SCMH1: variants seen among roughly 807,000 people sequenced by gnomAD.
SCMH1 encodes Scm polycomb group protein homolog 1.
A neutral mutation model predicts 70.8 loss-of-function variants in SCMH1; 37 were observed. The observed-to-expected ratio is 0.52, with a 90% confidence interval of 0.40 to 0.69. SCMH1 has a LOEUF of 0.69. Among genes scored for constraint, SCMH1 ranks in the 30% least tolerant of loss-of-function variants. SCMH1 has a pLI of 0.00. For missense variants in SCMH1, 607 were observed against 827.3 expected (o/e 0.73, Z 3.27); for synonymous variants, 292 against 307.4 (o/e 0.95, Z 0.52).
chr1:41,089,740 A>C (rs909673380), intron 8 of SCMH1, among the ~76,000 whole-genome samples: 1 of 135,766 alleles, frequency 7.4e-6, no homozygotes, highest in Non-Finnish European at 1.6e-5. Flanking sequence ...TTTCTGACCT[A>C]CTTCCTACCA....
chr1:41,160,545 A>G (rs570640739), intron 4 of SCMH1, among the ~76,000 whole-genome samples: 1 of 152,282 alleles, frequency 6.6e-6, no homozygotes, highest in East Asian at 1.9e-4. Flanking sequence ...TGATTTATGG[A>G]TGGCAGGGGT....
Position 41,167,606 on chromosome 1 carries a change from T to C in SCMH1, c.14-6174A>G, listed in dbSNP as rs1259960853. On this transcript the variant is annotated intron_variant, in intron 2 of 14. Coordinates refer to ENST00000337495, the Ensembl canonical transcript of SCMH1. ...TGTGATTCAGTCTTGGTAAGCTACA[T>C]ATTTCTAGCAATGTATTCATTTCTT... is the stretch of plus-strand genomic sequence containing the variant. 5.9e-5 allele frequency among the ~76,000 whole-genome samples: 9 copies of C among 152,194 alleles called. No homozygotes were observed. The East Asian group carries it at 1.7e-3, about 29-fold the overall frequency.
chr1:41,072,646 G>T (rs945996166), intron 9 of SCMH1, among the ~76,000 whole-genome samples: 9 of 152,160 alleles, frequency 5.9e-5, no homozygotes, highest in Admixed American at 6.5e-5. Flanking sequence ...AAAATTGCTT[G>T]GGCCCAGGAG....
At chr1:41,087,937 G>GGTGTGTGTGTGTGTGTGTGT (rs55721560) in intron 8 of SCMH1, among the ~76,000 whole-genome samples, 19,697 of 139,560 alleles carry the variant, frequency 0.14, 1,635 homozygotes, top group Middle Eastern at 0.26. Context: ...TATAGTTTCT[G>GGTGTGTGTGTGTGTGTGTGT]GTGTGTGTGT....
chr1:41,087,043 G>A (rs1318113853), intron 8 of SCMH1, among the ~76,000 whole-genome samples: 2 of 152,100 alleles, frequency 1.3e-5, no homozygotes, highest in Non-Finnish European at 2.9e-5. Context: ...CCAATGGACA[G>A]GCACACCAAT....
chr1:41,128,464 G>A (rs1572404957), intron 6 of SCMH1, among the ~76,000 whole-genome samples: 1 of 152,166 alleles, frequency 6.6e-6, no homozygotes, highest in East Asian at 1.9e-4. Context: ...TTTCCTTTTA[G>A]AACTTAAAAA....
chr1:41,176,189 C>CAAAAAAAA (rs61348122), intron 2 of SCMH1, among the ~76,000 whole-genome samples: 3 of 109,946 alleles, frequency 2.7e-5, no homozygotes, highest in Admixed American at 8.4e-5. Flanking sequence ...CCAAAAAAAA[C>CAAAAAAAA]AAAAAAAAAA....
chr1:41,135,886 A>G (rs1367844880), intron 6 of SCMH1, among the ~76,000 whole-genome samples: 1 of 151,540 alleles, frequency 6.6e-6, no homozygotes, highest in Non-Finnish European at 1.5e-5. Flanking sequence ...TTTCCCTGTG[A>G]CATAATCTAC....
chr1:41,044,875 C>T (rs1231809187), intron 12 of SCMH1, among the ~76,000 whole-genome samples: 1 of 152,124 alleles, frequency 6.6e-6, no homozygotes, highest in East Asian at 1.9e-4. Context: ...TGAGGTACAT[C>T]CTTACCAGTC....
At chr1:41,040,382 G>T (rs773283161) in intron 12 of SCMH1, among the ~76,000 whole-genome samples, 3 of 152,182 alleles carry the variant, frequency 2.0e-5, no homozygotes, top group Non-Finnish European at 2.9e-5. Flanking sequence ...GAGTGGTGGT[G>T]AGGAACCTCA....
chr1:41,100,387 C>T (rs1666252506), intron 8 of SCMH1, among the ~76,000 whole-genome samples: 2 of 151,962 alleles, frequency 1.3e-5, no homozygotes, highest in Non-Finnish European at 2.9e-5. Flanking sequence ...AATTAACTAC[C>T]AGAAAATCCC....
intron 5 of SCMH1, among the ~76,000 whole-genome samples, chr1:41,151,100 T>C (rs1169876391): frequency 1.3e-5 from 2 of 152,186 alleles, no homozygotes; most frequent in Non-Finnish European, 1.5e-5. Flanking sequence ...ATCAGCCATA[T>C]CAAACACTGA....
At chr1:41,128,370 A>T (rs1286658776) in intron 6 of SCMH1, among the ~76,000 whole-genome samples, 2 of 152,074 alleles carry the variant, frequency 1.3e-5, no homozygotes, top group Non-Finnish European at 2.9e-5. Context: ...TAATTCTCTA[A>T]GCTTTTATAT....
intron 2 of SCMH1, among the ~76,000 whole-genome samples, chr1:41,176,985 G>T (rs544993545): frequency 6.6e-6 from 1 of 152,288 alleles, no homozygotes; most frequent in Non-Finnish European, 1.5e-5. Context: ...TAGCCTAACT[G>T]GGAGGCACCC....
At chr1:41,241,702 C>G (rs1663591584) in intron 1 of SCMH1, among the ~76,000 whole-genome samples, 1 of 151,868 alleles carries the variant, frequency 6.6e-6, no homozygotes, top group Non-Finnish European at 1.5e-5. Context: ...ACACGGCGAC[C>G]TATACGGACC....
intron 8 of SCMH1, among the ~76,000 whole-genome samples, chr1:41,093,998 T>C (rs989070176): frequency 1.4e-4 from 21 of 152,134 alleles, no homozygotes; most frequent in African/African-American, 4.8e-4. Flanking sequence ...TTCTTTCAAG[T>C]AAAAATGGAG....
chr1:41,103,103 A>T (rs1329597852), intron 8 of SCMH1, among the ~76,000 whole-genome samples: 1 of 151,896 alleles, frequency 6.6e-6, no homozygotes, highest in Middle Eastern at 3.2e-3. Flanking sequence ...TAGTTCCTCA[A>T]AAATAATCTA....
intron 1 of SCMH1, among the ~76,000 whole-genome samples, chr1:41,198,350 C>A (rs1016067732): frequency 3.9e-5 from 6 of 152,130 alleles, no homozygotes; most frequent in Admixed American, 3.9e-4. Context: ...TAAGTGTGGA[C>A]AAACTCATTT....
At chr1:41,029,300 C>T (rs569085623) in intron 13 of SCMH1, among the ~76,000 whole-genome samples, 1 of 152,302 alleles carries the variant, frequency 6.6e-6, no homozygotes, top group Admixed American at 6.5e-5. Context: ...GCAACTTCTG[C>T]CTCCCAGGTT....
Sources: gnomAD v4.1 joint callset for allele counts (sites outside exome capture counted in the v4.1 genomes callset) on GRCh38, gnomAD v4.1.1 for gene constraint, MANE v1.5 for transcripts, NCBI Gene and HGNC (gene_info 2026-07-23, HGNC 2026-07-21) for gene names.